Variants in CTDSPL2 observed in about 807,000 individuals in gnomAD.
CTDSPL2 encodes CTD small phosphatase-like protein 2.
In CTDSPL2, 5 loss-of-function variants were observed where a neutral mutation model predicts 60.0. The ratio of observed to expected loss-of-function variants is 0.08; its 90% CI spans 0.04 to 0.18. The LOEUF (loss-of-function observed/expected upper bound fraction) is 0.18. Among genes scored for constraint, CTDSPL2 ranks in the 10% least tolerant of loss-of-function variants. The pLI is 1.00. For missense variants in CTDSPL2, 370 were observed against 548.8 expected (o/e 0.67, Z 3.26); for synonymous variants, 186 against 189.3 (o/e 0.98, Z 0.14).
intron 1 of CTDSPL2, among the ~76,000 whole-genome samples, chr15:44,457,116 A>G (rs1018461486): frequency 2.0e-5 from 3 of 152,090 alleles, no homozygotes; most frequent in African/African-American, 7.2e-5. Flanking sequence ...GGCTCAAGCC[A>G]TCTACCTGCC....
chr15:44,458,884 T>C (rs2080503146), intron 1 of CTDSPL2, 107 bp from the exon 2 acceptor site: 1 of 718,218 alleles, frequency 1.4e-6, no homozygotes. Context: ...GACTTTTGTT[T>C]TTTTAGCCAA....
intron 8 of CTDSPL2, among the ~76,000 whole-genome samples, chr15:44,502,517 T>A (rs1212768137): frequency 6.6e-6 from 1 of 152,212 alleles, no homozygotes; most frequent in African/African-American, 2.4e-5. Context: ...TTAGGTTTTG[T>A]GGTCCCTGTC....
intron 4 of CTDSPL2, among the ~76,000 whole-genome samples, chr15:44,488,471 G>T (rs2081159265): frequency 2.0e-5 from 3 of 152,132 alleles, no homozygotes; most frequent in African/African-American, 7.2e-5. Flanking sequence ...AGATAATTGA[G>T]TGTAATTTGG....
At chr15:44,429,271 T>A (rs1037227520) in intron 1 of CTDSPL2, among the ~76,000 whole-genome samples, 1 of 152,156 alleles carries the variant, frequency 6.6e-6, no homozygotes, top group Non-Finnish European at 1.5e-5. Context: ...CTTCATACTT[T>A]CCTAAGGCGA....
intron 5 of CTDSPL2, among the ~76,000 whole-genome samples, chr15:44,492,364 A>G (rs2081231020): frequency 6.6e-6 from 1 of 152,154 alleles, no homozygotes; most frequent in African/African-American, 2.4e-5. Context: ...AAAGAAACAT[A>G]GTTTGGTTTA....
chr15:44,520,981 T>C (rs1393603806), intron 11 of CTDSPL2: 2 of 160,816 alleles, frequency 1.2e-5, no homozygotes, highest in Non-Finnish European at 2.7e-5. Context: ...CTACCTAGCA[T>C]TGTACTAATT....
rs2081842571 is a variant in CTDSPL2, at chr15:44,524,581, C to CT, written c.*410dup. The CT allele has an allele frequency of 6.3e-6, 1 of 159,472 alleles. No homozygotes were observed. Among genetic ancestry groups the CT allele is most frequent in the African/African-American group, 2.4e-5 (1 of 41,600 alleles). 9.9% of individuals were successfully genotyped at this position (159,472 alleles called of 1,614,324 possible). On this transcript the variant is annotated 3_prime_UTR_variant, in exon 13 of 13. Coordinates refer to ENST00000260327, the MANE Select transcript of CTDSPL2 (RefSeq NM_016396.3). ...TGGGTTTGTAGCCACTTTTCTGTTA[C>CT]TTTATGATTCTCATTTCAACAGGAA...
chr15:44,521,959 A>AAC (rs1256043979), intron 12 of CTDSPL2, among the ~76,000 whole-genome samples: 9 of 150,304 alleles, frequency 6.0e-5, no homozygotes, highest in Non-Finnish European at 1.2e-4. Flanking sequence ...AAAAAAAAAA[A>AAC]AAAACATGAT....
At chr15:44,458,870 C>T (rs1344842788) in intron 1 of CTDSPL2, 121 bp from the exon 2 acceptor site, 2 of 542,670 alleles carry the variant, frequency 3.7e-6, no homozygotes, top group Non-Finnish European at 6.0e-6. Flanking sequence ...CTCCTAGAGT[C>T]TAGGACTTTT....
At position 44,511,741 on chromosome 15, in the gene CTDSPL2, G is replaced by A. The variant is rs148758693; in HGVS notation, c.970-2857G>A. On this transcript the variant is annotated intron_variant, in intron 8 of 12. Transcript: ENST00000260327. ...AAATGAGCCGGATGTGGTGGCACAC[G>A]CCTATAACCCCAGCTACTGGGGAGG... is the stretch of plus-strand genomic sequence containing the variant. 2.1e-3 allele frequency among the ~76,000 whole-genome samples: 320 copies of A among 151,944 alleles called. 1 individual carries two copies. Among genetic ancestry groups the A allele is most frequent in the African/African-American group, 7.5e-3 (309 of 41,448 alleles).
intron 11 of CTDSPL2, among the ~76,000 whole-genome samples, 182 bp downstream of exon 11, chr15:44,519,477 T>G (rs1163723172): frequency 6.6e-6 from 1 of 152,216 alleles, no homozygotes; most frequent in Non-Finnish European, 1.5e-5. Context: ...AAATTTTTAC[T>G]TAAATGACAT....
intron 1 of CTDSPL2, among the ~76,000 whole-genome samples, chr15:44,452,621 A>G (rs2080354849): frequency 1.3e-5 from 2 of 152,154 alleles, no homozygotes; most frequent in South Asian, 4.1e-4. Context: ...CAATTTTATC[A>G]AAAAACATAC....
intron 1 of CTDSPL2, among the ~76,000 whole-genome samples, chr15:44,442,977 A>C (rs1404641688): frequency 7.0e-6 from 1 of 143,824 alleles, no homozygotes; most frequent in East Asian, 2.0e-4. Flanking sequence ...ACCGTGTCTC[A>C]AAAAAAAAAA....
intron 1 of CTDSPL2, among the ~76,000 whole-genome samples, chr15:44,432,412 C>T (rs1426708920): frequency 1.3e-5 from 2 of 151,752 alleles, no homozygotes; most frequent in Admixed American, 6.6e-5. Context: ...CTCCGCCTCC[C>T]GGGTTCAAGC....
At chr15:44,456,470 G>A (rs935386108) in intron 1 of CTDSPL2, among the ~76,000 whole-genome samples, 7 of 152,160 alleles carry the variant, frequency 4.6e-5, no homozygotes, top group Non-Finnish European at 1.0e-4. Context: ...TTAGTCTTGG[G>A]AGGGTGTGTG....
chr15:44,467,266 T>C (rs2080715508), intron 2 of CTDSPL2, among the ~76,000 whole-genome samples: 1 of 152,218 alleles, frequency 6.6e-6, no homozygotes, highest in South Asian at 2.1e-4. Flanking sequence ...ATATGCCAAA[T>C]AATGAGAGTT....
chr15:44,430,238 TTTA>T (rs1482366763), intron 1 of CTDSPL2, among the ~76,000 whole-genome samples: 1 of 152,200 alleles, frequency 6.6e-6, no homozygotes, highest in African/African-American at 2.4e-5. Flanking sequence ...AGCTATAGAT[TTTA>T]TTGTCAGTTG....
chr15:44,470,557 C>T (rs761484415), intron 2 of CTDSPL2: 1 of 152,042 alleles, frequency 6.6e-6, no homozygotes, highest in Non-Finnish European at 1.5e-5. Flanking sequence ...GAGCAGTTCT[C>T]CTACCTCAGC....
chr15:44,486,176 C>T (rs570594363), intron 3 of CTDSPL2, among the ~76,000 whole-genome samples: 1 of 152,068 alleles, frequency 6.6e-6, no homozygotes, highest in Non-Finnish European at 1.5e-5. Flanking sequence ...GAATTAGAAC[C>T]GTCCTAGAAT....
Sources: gnomAD v4.1 joint callset for allele counts (sites outside exome capture counted in the v4.1 genomes callset) on GRCh38, gnomAD v4.1.1 for gene constraint, MANE v1.5 for transcripts, NCBI Gene and HGNC (gene_info 2026-07-23, HGNC 2026-07-21) for gene names.